Variants in WAPL observed in about 807,000 individuals in gnomAD.
WAPL encodes the protein WAPL cohesin release factor.
In WAPL, 5 loss-of-function variants were observed where a neutral mutation model predicts 121.0. The observed-to-expected ratio is 0.04, with a 90% CI of 0.02 to 0.09. The LOEUF is 0.09. Ranked by LOEUF, WAPL falls within the 10% of genes least tolerant of loss-of-function variation. The pLI is 1.00. For missense variants in WAPL, 999 were observed against 1,410.8 expected (o/e 0.71, Z 4.68); for synonymous variants, 480 against 481.5 (o/e 1.00, Z 0.04).
intron 4 of WAPL, among the ~76,000 whole-genome samples, chr10:86,483,068 G>A (rs4310527): frequency 0.87 from 133,050 of 152,236 alleles, 58,595 homozygotes; most frequent in Non-Finnish European, 0.92. Flanking sequence ...TGCATTAGGC[G>A]AGTGTTTGTA....
rs1271746544 is a variant in WAPL, at chr10:86,438,428, A to AT, written c.3412-414dup. 3.3e-5 allele frequency among the ~76,000 whole-genome samples: 5 copies of AT among 152,158 alleles called. No individual in the cohort carries two copies. The East Asian group carries it at 9.7e-4, about 29-fold the overall frequency. On this transcript the variant is annotated intron_variant, in intron 17 of 18. Transcript: ENST00000298767. ...GCCACCATGCCTGGCTAATTTTTGT[A>AT]TTTTTAGCAGAGACGTGGTTTCATC...
intron 2 of WAPL, among the ~76,000 whole-genome samples, chr10:86,516,566 C>T (rs1842560067): frequency 1.3e-5 from 2 of 152,044 alleles, no homozygotes. Context: ...ATACTGCCAC[C>T]CTTATCCTAA....
chr10:86,516,203 T>C (rs1842553354), intron 2 of WAPL, among the ~76,000 whole-genome samples: 1 of 152,108 alleles, frequency 6.6e-6, no homozygotes. Context: ...TAACCTAAAC[T>C]TAACTTGTCA....
At position 86,499,733 on chromosome 10, in the gene WAPL, C is replaced by T. The variant is rs746415411; in HGVS notation, c.1510G>A (p.Gly504Ser). The T allele has an allele frequency of 1.9e-6, 3 of 1,581,126 alleles. No individual in the cohort carries two copies. The highest frequency in any genetic ancestry group is 1.7e-6 in the Non-Finnish European group (2 of 1,169,398). Residue 504 changes from glycine (G) to serine (S), a missense_variant, in exon 3 of 19, where the codon GGT becomes AGT. Transcript: ENST00000298767. ...AAATTCTTACCTGCATTGTTAGTAC[C>T]AGACTGACTGTCCTGGGAATTATCA... ...SNDNSQDSQS[G>S]TNNAENLDFT...
chr10:86,442,809 G>A (rs973546074), intron 17 of WAPL, among the ~76,000 whole-genome samples: 9 of 152,130 alleles, frequency 5.9e-5, no homozygotes, highest in African/African-American at 2.2e-4. Context: ...GGAGTCCAAG[G>A]CAGGCGGATC....
chr10:86,445,463 C>G (rs1205206625), intron 16 of WAPL, among the ~76,000 whole-genome samples: 1 of 151,710 alleles, frequency 6.6e-6, no homozygotes, highest in South Asian at 2.1e-4. Context: ...AAAGTTGTAT[C>G]ACAAATTCTG....
chr10:86,454,891 C>A (rs1394884795), intron 12 of WAPL, among the ~76,000 whole-genome samples: 5 of 151,676 alleles, frequency 3.3e-5, no homozygotes, highest in African/African-American at 1.2e-4. Context: ...GACCGCCACC[C>A]CGTCTGGGAG....
chr10:86,505,300 C>CTTTTTTTTTTTTTTTTTTTTTTTTTTTT lies in WAPL; in HGVS notation c.500-4558_500-4557insAAAAAAAAAAAAAAAAAAAAAAAAAAAA, dbSNP rs531404303. 1.3e-4 allele frequency among the ~76,000 whole-genome samples: 6 copies of CTTTTTTTTTTTTTTTTTTTTTTTTTTTT among 44,644 alleles called. 2 individuals carry two copies. The highest frequency in any genetic ancestry group is 9.3e-4 in the South Asian group (1 of 1,076). The allele number at this position is 44,644 out of a possible 152,430, so 29.3% of individuals were successfully genotyped here. On this transcript the variant is annotated intron_variant, in intron 2 of 18. Coordinates refer to ENST00000298767, the MANE Select transcript of WAPL (RefSeq NM_015045.5). ...CAAGCTTCAGCCACAGTGCCCAACT[C>CTTTTTTTTTTTTTTTTTTTTTTTTTTTT]TTTTTTTTTTTTTTTTTTTTTTTTT...
chr10:86,521,570 A>T lies in WAPL; in HGVS notation c.-228T>A. On this transcript the variant is annotated 5_prime_UTR_variant, in exon 1 of 19. Transcript: ENST00000298767. Reference sequence around the variant, plus strand: ...CCCCGCAACTTCCCTCCCCGCCTCGAGCGCCGCCGGCCGGGCCCAGGCCTA... The same window carrying T: ...CCCCGCAACTTCCCTCCCCGCCTCGTGCGCCGCCGGCCGGGCCCAGGCCTA... 1 of 409,724 alleles carries T rather than the reference A, an allele frequency of 2.4e-6. No individual in the cohort carries two copies. Among genetic ancestry groups the T allele is most frequent in the East Asian group, 1.1e-4 (1 of 9,292 alleles). The allele number at this position is 409,724 out of a possible 1,614,324, so 25.4% of individuals were successfully genotyped here. A position where few individuals can be genotyped will look rare whatever the true frequency, so the allele number is the denominator to read the frequency against.
rs1368292758 is a variant in WAPL at position 86,454,883 on chromosome 10, C to T, written c.2658-1052G>A. 4.0e-5 allele frequency among the ~76,000 whole-genome samples: 6 copies of T among 150,998 alleles called. No homozygotes were observed. In the East Asian group the frequency reaches 1.2e-3, roughly 30 times the overall value. ...GGAACTGAGGAGTGTCTCTGCCCGA[C>T]CGCCACCCCGTCTGGGAGGTGAGGA... On this transcript the variant is annotated intron_variant, in intron 12 of 18. Coordinates refer to ENST00000298767, the MANE Select transcript of WAPL (RefSeq NM_015045.5).
chr10:86,449,715 GGTAA>G (rs1488225243), intron 15 of WAPL, among the ~76,000 whole-genome samples: 2 of 152,018 alleles, frequency 1.3e-5, no homozygotes, highest in Non-Finnish European at 2.9e-5. Flanking sequence ...GGCGACTGAC[GGTAA>G]GTTTTTATTC....
intron 2 of WAPL, among the ~76,000 whole-genome samples, chr10:86,512,846 A>C (rs1842491515): frequency 7.5e-6 from 1 of 133,446 alleles, no homozygotes; most frequent in Admixed American, 7.6e-5. Flanking sequence ...AATCAAGTAC[A>C]TGAGGTTTTT....
rs573933846 is a variant in WAPL, at chr10:86,458,348, T to G, written c.2657+641A>C. On this transcript the variant is annotated intron_variant, in intron 12 of 18. Transcript: ENST00000298767. ...CTTGGGAATTTTACCTGCAAGGAGG[T>G]GACAGCATTAGCCTAATTGTGATGA... 3.3e-5 allele frequency among the ~76,000 whole-genome samples: 5 copies of G among 152,176 alleles called. No individual in the cohort carries two copies. In the East Asian group the frequency reaches 9.7e-4, roughly 29 times the overall value.
intron 2 of WAPL, among the ~76,000 whole-genome samples, chr10:86,501,618 T>C (rs1479124567): frequency 6.6e-6 from 1 of 152,214 alleles, no homozygotes; most frequent in Non-Finnish European, 1.5e-5. Context: ...CATCATCAAA[T>C]ACAGGTGAGA....
Position 86,499,982 on chromosome 10 carries a change from T to G in WAPL, c.1261A>C (p.Lys421Gln). ...AAAAATTCAAGTTTAACATCCTTTT[T>G]GGATTTAGTATTACTAGGTCGAAAT... is the stretch of plus-strand genomic sequence containing the variant. ...TRFRPSNTKS[K>Q]KDVKLEFFGF... is the part of the protein sequence containing the mutation. The change falls in exon 3 of 19, where the codon AAA becomes CAA. Residue 421 changes from lysine (K) to glutamine (Q), a missense_variant. Coordinates refer to ENST00000298767, the MANE Select transcript of WAPL (RefSeq NM_015045.5). The G allele has an allele frequency of 6.2e-7, 1 of 1,614,166 alleles. No individual in the cohort carries two copies. Among genetic ancestry groups the G allele is most frequent in the Non-Finnish European group, 8.5e-7 (1 of 1,180,026 alleles).
intron 17 of WAPL, 82 bp from the exon 18 acceptor site, chr10:86,438,097 C>T: frequency 9.8e-7 from 1 of 1,024,848 alleles, no homozygotes; most frequent in Non-Finnish European, 1.5e-6. Context: ...GGTTTTGACA[C>T]ACATCTTGGT....
In WAPL at chr10:86,471,194, G is replaced by C. The variant is rs914520191; in HGVS notation, c.2031-91C>G. On this transcript the variant is annotated intron_variant, in intron 7 of 18. Transcript: ENST00000298767. Reference sequence around the variant, plus strand: ...AATACCAAAACCAGCAAATAGGAAGGGGGTAAAAGGGTCAAAGCATTGCCC... The same window carrying C: ...AATACCAAAACCAGCAAATAGGAAGCGGGTAAAAGGGTCAAAGCATTGCCC... 5.4e-6 allele frequency: 5 copies of C among 932,730 alleles called. No homozygotes were observed. The Admixed American group carries it at 1.0e-4, about 19-fold the overall frequency. 57.8% of individuals were successfully genotyped at this position (932,730 alleles called of 1,614,324 possible). A position where few individuals can be genotyped will look rare whatever the true frequency, so the allele number is the denominator to read the frequency against.
intron 2 of WAPL, among the ~76,000 whole-genome samples, chr10:86,504,704 C>T (rs1842311738): frequency 6.6e-6 from 1 of 151,686 alleles, no homozygotes; most frequent in Non-Finnish European, 1.5e-5. Flanking sequence ...TGCTTATAGT[C>T]CCACCTAGAG....
intron 9 of WAPL, 81 bp from the exon 10 acceptor site, chr10:86,461,368 G>A: frequency 2.5e-5 from 27 of 1,065,240 alleles, no homozygotes; most frequent in Non-Finnish European, 3.8e-5. Flanking sequence ...AAAATTTACT[G>A]CATGCTACAT....
Sources: allele counts gnomAD v4.1 joint callset (sites outside exome capture counted in the v4.1 genomes callset), GRCh38; gene constraint gnomAD v4.1.1; transcripts MANE v1.5; gene names NCBI Gene and HGNC (gene_info 2026-07-23, HGNC 2026-07-21).